The following VWC2L variants were observed in gnomAD, a reference collection of about 807,000 sequenced individuals.
The protein encoded by VWC2L is von Willebrand factor C domain containing 2 like.
VWC2L carries 10 observed loss-of-function variants against 21.6 expected under a neutral mutation model. The observed-to-expected ratio is 0.46, with a 90% confidence interval of 0.29 to 0.78. VWC2L has a LOEUF of 0.78. Ranked by LOEUF, VWC2L falls within the 30% of genes least tolerant of loss-of-function variation. The pLI, the probability that VWC2L is intolerant of heterozygous loss-of-function variation, is 0.10. For synonymous variants in VWC2L, 96 were observed against 94.3 expected, an observed-to-expected ratio of 1.02 and a Z score of -0.10; for missense variants, 209 against 277.1, an observed-to-expected ratio of 0.75 and a Z score of 1.74.
Position 214,508,822 on chromosome 2 carries a change from C to T in VWC2L, c.521-66850C>T, listed in dbSNP as rs142959812. 7.2e-5 allele frequency among the ~76,000 whole-genome samples: 11 copies of T among 152,190 alleles called. No individual in the cohort carries two copies. The East Asian group carries it at 2.1e-3, about 29-fold the overall frequency. ...TTGGTTTGTTTCTGTTTTTGTTTTG[C>T]AAATTTACTGGAGAATTTAATCTGA... On this transcript the variant is annotated intron_variant, in intron 3 of 3. Transcript: ENST00000312504.
intron 3 of VWC2L, among the ~76,000 whole-genome samples, chr2:214,438,667 C>T (rs1471104190): frequency 6.6e-6 from 1 of 152,030 alleles, no homozygotes; most frequent in Admixed American, 6.6e-5. Flanking sequence ...ATGTCTATGT[C>T]ATATGTTAAA....
chr2:214,564,507 CG>C (rs140333888), intron 3 of VWC2L, among the ~76,000 whole-genome samples: 1,817 of 151,934 alleles, frequency 0.012, 16 homozygotes, highest in Admixed American at 0.02. Context: ...TCAGGTTAGA[CG>C]GGCCACATTT....
chr2:214,546,641 C>T (rs562347195), intron 3 of VWC2L, among the ~76,000 whole-genome samples: 2 of 151,956 alleles, frequency 1.3e-5, no homozygotes, highest in African/African-American at 4.8e-5. Flanking sequence ...ACCGAGAAAC[C>T]TTGTCATATG....
intron 3 of VWC2L, among the ~76,000 whole-genome samples, chr2:214,527,286 C>A (rs182175607): frequency 6.6e-6 from 1 of 152,038 alleles, no homozygotes; most frequent in African/African-American, 2.4e-5. Context: ...AAAACACTAT[C>A]AGTTACTATG....
intron 3 of VWC2L, among the ~76,000 whole-genome samples, chr2:214,543,001 G>GA (rs1237273963): frequency 2.0e-5 from 3 of 152,230 alleles, no homozygotes; most frequent in Middle Eastern, 3.4e-3. Context: ...TAGTTCTCAT[G>GA]AAAAAATCTT....
At chr2:214,520,007 AAATTTT>A (rs1295716813) in intron 3 of VWC2L, among the ~76,000 whole-genome samples, 1 of 151,450 alleles carries the variant, frequency 6.6e-6, no homozygotes, top group Non-Finnish European at 1.5e-5. Context: ...CATAATTCGG[AAATTTT>A]AATTTTATGG....
intron 3 of VWC2L, among the ~76,000 whole-genome samples, chr2:214,449,256 C>G (rs560532003): frequency 1.3e-5 from 2 of 152,232 alleles, no homozygotes; most frequent in African/African-American, 4.8e-5. Context: ...CTGTGGTAGG[C>G]TAGAAGTATT....
Position 214,436,579 on chromosome 2 carries a change from C to T in VWC2L, c.391-50C>T, listed in dbSNP as rs138446636. 58 of 1,600,772 alleles carry T rather than the reference C, an allele frequency of 3.6e-5. No homozygotes were observed. In the African/African-American group the frequency reaches 7.2e-4, roughly 20 times the overall value. ...TGTCTTCTGACAGCATATGAATGTG[C>T]AAGCATTAAGTTATAGGAGAAAAGG... is the stretch of plus-strand genomic sequence containing the variant. On this transcript the variant is annotated intron_variant, in intron 2 of 3. Coordinates refer to ENST00000312504, the MANE Select transcript of VWC2L (RefSeq NM_001080500.4).
chr2:214,437,687 C>T (rs1702697444), intron 3 of VWC2L, among the ~76,000 whole-genome samples: 1 of 151,956 alleles, frequency 6.6e-6, no homozygotes, highest in South Asian at 2.1e-4. Context: ...TTATTTTTTG[C>T]TCTGAATTTG....
At chr2:214,525,205 T>C (rs1689313540) in intron 3 of VWC2L, 1 of 152,098 alleles carries the variant, frequency 6.6e-6, no homozygotes, top group Non-Finnish European at 1.5e-5. Context: ...TTTAACCACC[T>C]TGAGGGTCAG....
intron 3 of VWC2L, among the ~76,000 whole-genome samples, chr2:214,556,235 G>A (rs964072296): frequency 6.6e-6 from 1 of 152,106 alleles, no homozygotes; most frequent in African/African-American, 2.4e-5. Context: ...CCTCCAGCCT[G>A]GGTGACAGAG....
intron 3 of VWC2L, among the ~76,000 whole-genome samples, chr2:214,551,179 G>A (rs923610811): frequency 6.6e-6 from 1 of 152,222 alleles, no homozygotes; most frequent in Non-Finnish European, 1.5e-5. Flanking sequence ...GTCAGAGAAA[G>A]TATTTTTCAG....
intron 3 of VWC2L, among the ~76,000 whole-genome samples, chr2:214,439,543 G>A (rs976096352): frequency 2.0e-5 from 3 of 151,710 alleles, no homozygotes; most frequent in African/African-American, 7.3e-5. Flanking sequence ...TTCATAAATG[G>A]TTATTTTGGC....
chr2:214,487,355 T>TG (rs1688684859), intron 3 of VWC2L, among the ~76,000 whole-genome samples: 1 of 151,854 alleles, frequency 6.6e-6, no homozygotes, highest in African/African-American at 2.4e-5. Context: ...AAAAACCTAC[T>TG]GTGCGCCAAG....
intron 3 of VWC2L, among the ~76,000 whole-genome samples, chr2:214,521,401 G>C (rs1689238746): frequency 6.6e-6 from 1 of 152,144 alleles, no homozygotes; most frequent in African/African-American, 2.4e-5. Flanking sequence ...AAACTGGGTA[G>C]AGGCTGGGAC....
At chr2:214,543,631 C>T (rs1689661357) in intron 3 of VWC2L, among the ~76,000 whole-genome samples, 1 of 150,858 alleles carries the variant, frequency 6.6e-6, no homozygotes, top group South Asian at 2.1e-4. Flanking sequence ...GCTGAATATG[C>T]TGACCAAAGA....
At chr2:214,429,140 T>TAAAG (rs1702565984) in intron 2 of VWC2L, among the ~76,000 whole-genome samples, 1 of 152,222 alleles carries the variant, frequency 6.6e-6, no homozygotes, top group Non-Finnish European at 1.5e-5. Context: ...ACTGATTCTT[T>TAAAG]GTCTGATATC....
intron 3 of VWC2L, among the ~76,000 whole-genome samples, chr2:214,488,231 A>G (rs565368587): frequency 4.6e-5 from 7 of 152,254 alleles, no homozygotes; most frequent in African/African-American, 1.7e-4. Flanking sequence ...ATTTTCTGTA[A>G]TTCTGTTACA....
At chr2:214,504,943 C>T (rs74611830) in intron 3 of VWC2L, among the ~76,000 whole-genome samples, 113 of 152,262 alleles carry the variant, frequency 7.4e-4, no homozygotes, top group Non-Finnish European at 1.4e-3. Flanking sequence ...CCTTGCTCTC[C>T]TAAAATCCCA....
Sources: allele counts gnomAD v4.1 joint callset (sites outside exome capture counted in the v4.1 genomes callset), GRCh38; gene constraint gnomAD v4.1.1; transcripts MANE v1.5; gene names NCBI Gene and HGNC (gene_info 2026-07-23, HGNC 2026-07-21).